Variants in CARD6 observed in about 807,000 individuals in gnomAD.
CARD6 encodes the protein caspase recruitment domain-containing protein 6.
CARD6 carries 27 observed loss-of-function variants against 23.6 expected under a neutral mutation model. That is an observed-to-expected ratio of 1.14 (90% CI 0.84 to 1.58). The LOEUF (loss-of-function observed/expected upper bound fraction) is 1.58, where lower values mean the gene tolerates loss of function less well. Among genes scored for constraint, CARD6 ranks in the 40% most tolerant of loss-of-function variants. The pLI is 0.00. For synonymous variants in CARD6, 397 were observed against 431.8 expected (o/e 0.92, Z 1.00); for missense variants, 1,214 against 1,209.9 (o/e 1.00, Z -0.05).
At position 40,843,414 on chromosome 5, in the gene CARD6, A is replaced by C; in HGVS notation, c.546A>C (p.Lys182Asn). ...TCACATTATCATATTCAGTTGAGAA[A>C]GTTGGATGTGAAGTTCCAGCAACTA... ...PEVTLSYSVE[K>N]VGCEVPATIT... The change falls in exon 2 of 3, where the codon AAA becomes AAC. Residue 182 changes from lysine to asparagine, a missense_variant. By Grantham distance (94) the Lys-to-Asn change is moderately conservative (BLOSUM62 0). Coordinates refer to ENST00000254691, the MANE Select transcript of CARD6 (RefSeq NM_032587.4). 1 of 1,614,168 alleles carries C rather than the reference A, an allele frequency of 6.2e-7. No homozygotes were observed. The highest frequency in any genetic ancestry group is 8.5e-7 in the Non-Finnish European group (1 of 1,180,030).
Position 40,847,605 on chromosome 5 carries a change from A to T in CARD6, c.841+3896A>T, listed in dbSNP as rs150944385. On this transcript the variant is annotated intron_variant, in intron 2 of 2. Coordinates refer to ENST00000254691, the MANE Select transcript of CARD6 (RefSeq NM_032587.4). The stretch of plus-strand genomic sequence containing the variant: ...CATTCCAGAAGGTTGCTTTTGCTGG[A>T]TATAGGATTCTACAACTTTTGCCTT... Among the ~76,000 whole-genome samples, 825 of 152,146 alleles carry T rather than the reference A, an allele frequency of 5.4e-3. 9 individuals are homozygous for T. The highest frequency in any genetic ancestry group is 0.019 in the African/African-American group (797 of 41,524).
intron 2 of CARD6, among the ~76,000 whole-genome samples, chr5:40,847,711 T>A (rs1044256220): frequency 1.3e-5 from 2 of 152,116 alleles, no homozygotes; most frequent in African/African-American, 4.8e-5. Context: ...TTATCATTGA[T>A]CCTCTGTAAG....
At position 40,853,381 on chromosome 5, in the gene CARD6, T is replaced by A. The variant is rs751989622; in HGVS notation, c.2049T>A (p.Gly683=). ...ENMAGTAEGE[G]QQRHSQLKSS... ...TGGCTGGGACAGCTGAAGGTGAGGG[T>A]CAGCAAAGACACAGTCAGCTAAAAA... Residue 683 remains glycine (G), a synonymous_variant, in exon 3 of 3, where the codon GGT becomes GGA. Transcript: ENST00000254691. The A allele has an allele frequency of 2.6e-5, 42 of 1,613,844 alleles. No homozygotes were observed. The highest frequency in any genetic ancestry group is 3.5e-5 in the Non-Finnish European group (41 of 1,180,006).
At chr5:40,851,261 G>T (rs1398679480) in intron 2 of CARD6, among the ~76,000 whole-genome samples, 1 of 151,944 alleles carries the variant, frequency 6.6e-6, no homozygotes, top group African/African-American at 2.4e-5. Context: ...AACCCAGGAG[G>T]TGGATGTTGC....
chr5:40,853,462 G>A lies in CARD6; in HGVS notation c.2130G>A (p.Glu710=), dbSNP rs144328290. The A allele has an allele frequency of 5.4e-4, 871 of 1,614,180 alleles. 1 individual carries two copies. In the African/African-American group the frequency reaches 0.011, roughly 20 times the overall value. Residue 710 remains glutamate, a synonymous_variant, in exon 3 of 3, where the codon GAG becomes GAA. Coordinates refer to ENST00000254691, the MANE Select transcript of CARD6 (RefSeq NM_032587.4). ...TTCAAGAGCCTGGGACTCAATGTGAGCTCAGCCAGAATCTTCAGAATCTCT... is the reference window on the plus strand; with the variant it reads ...TTCAAGAGCCTGGGACTCAATGTGAACTCAGCCAGAATCTTCAGAATCTCT... ...MPIQEPGTQC[E]LSQNLQNLYG...
chr5:40,852,095 A>T, intron 2 of CARD6, 79 bp from the exon 3 acceptor site: 6 of 857,218 alleles, frequency 7.0e-6, no homozygotes, highest in Non-Finnish European at 1.1e-5. Flanking sequence ...TGATGGAGTG[A>T]GACTGTCTCA....
In CARD6 at chr5:40,852,818, C is replaced by T. The variant is rs114981213; in HGVS notation, c.1486C>T (p.Leu496Phe). Residue 496 changes from leucine to phenylalanine, a missense_variant, in exon 3 of 3, where the codon CTT (leucine) becomes TTT (phenylalanine). By Grantham distance (22) the Leu-to-Phe change is conservative (BLOSUM62 0). Transcript: ENST00000254691. ...FLHQDLPLLV[L>F]PRQISDGLVE... is the part of the protein sequence containing the mutation. ...TCATCAAGATTTGCCTCTTTTGGTGCTTCCCCGGCAAATCTCTGATGGCCT... is the reference window on the plus strand; with the variant it reads ...TCATCAAGATTTGCCTCTTTTGGTGTTTCCCCGGCAAATCTCTGATGGCCT... The T allele has an allele frequency of 3.2e-4, 514 of 1,614,194 alleles. 3 individuals are homozygous for T. The African/African-American group carries it at 6.4e-3, about 20-fold the overall frequency.
In CARD6 at chr5:40,854,882, G is replaced by T. The variant is rs537649830; in HGVS notation, c.*436G>T. 3.6e-5 allele frequency: 6 copies of T among 165,516 alleles called. No homozygotes were observed. In the South Asian group the frequency reaches 9.7e-4, roughly 27 times the overall value. The allele number at this position is 165,516 out of a possible 1,614,324, so 10.3% of individuals were successfully genotyped here. A position where few individuals can be genotyped will look rare whatever the true frequency, so the allele number is the denominator to read the frequency against. ...TGGGATTACGTGTGTAAGCCACAGT[G>T]CCCAGCCCGAATTGGATATCTTTAA... is the stretch of plus-strand genomic sequence containing the variant. On this transcript the variant is annotated 3_prime_UTR_variant, in exon 3 of 3. Coordinates refer to ENST00000254691, the MANE Select transcript of CARD6 (RefSeq NM_032587.4).
At position 40,852,930 on chromosome 5, in the gene CARD6, G is replaced by A. The variant is rs139247661; in HGVS notation, c.1598G>A (p.Arg533His). The change falls in exon 3 of 3, where the codon CGT (arginine) becomes CAT (histidine). Residue 533 changes from arginine to histidine, a missense_variant. Coordinates refer to ENST00000254691, the MANE Select transcript of CARD6 (RefSeq NM_032587.4). ...FQKPVALANL[R>H]GNLESFWTQF... ...AAGCCTGTTGCTCTGGCTAATCTCC[G>A]TGGAAATCTAGAAAGCTTTTGGACT... 3.5e-5 allele frequency: 56 copies of A among 1,614,020 alleles called. No homozygotes were observed. The highest frequency in any genetic ancestry group is 1.6e-4 in the Middle Eastern group (1 of 6,084).
At chr5:40,845,362 C>A (rs909391074) in intron 2 of CARD6, among the ~76,000 whole-genome samples, 3 of 152,138 alleles carry the variant, frequency 2.0e-5, no homozygotes, top group African/African-American at 2.4e-5. Context: ...TTAGGGCCCA[C>A]CCTAATAACA....
rs370496795 is a variant in CARD6 at position 40,853,855 on chromosome 5, G to C, written c.2523G>C (p.Arg841Ser). 2.2e-5 allele frequency: 35 copies of C among 1,614,082 alleles called. No homozygotes were observed. Among genetic ancestry groups the C allele is most frequent in the Admixed American group, 6.7e-5 (4 of 59,996 alleles). The change falls in exon 3 of 3, where the codon AGG becomes AGC. Residue 841 changes from arginine (R) to serine (S), a missense_variant. Physicochemically the swap from Arg to Ser is moderately radical, Grantham distance 110 (BLOSUM62 -1). Coordinates refer to ENST00000254691, the MANE Select transcript of CARD6 (RefSeq NM_032587.4). The stretch of plus-strand genomic sequence containing the variant: ...CACAAATGATGGGAACTCTTGAAAG[G>C]TCTAGGGCAGTAGCCTCCAAGATAG... ...ERPQMMGTLE[R>S]SRAVASKIGH... is the part of the protein sequence containing the mutation.
rs1746100967 is a variant in CARD6 at position 40,852,935 on chromosome 5, A to G, written c.1603A>G (p.Asn535Asp). The G allele has an allele frequency of 6.2e-7, 1 of 1,614,190 alleles. No individual in the cohort carries two copies. The highest frequency in any genetic ancestry group is 1.1e-5 in the South Asian group (1 of 91,080). ...TGTTGCTCTGGCTAATCTCCGTGGA[A>G]ATCTAGAAAGCTTTTGGACTCAGTT... ...KPVALANLRG[N>D]LESFWTQFGF... is the part of the protein sequence containing the mutation. Residue 535 changes from asparagine to aspartate, a missense_variant, in exon 3 of 3, where the codon AAT (asparagine) becomes GAT (aspartate). Physicochemically the swap from Asn to Asp is conservative, Grantham distance 23. Transcript: ENST00000254691.
At position 40,854,208 on chromosome 5, in the gene CARD6, C is replaced by G. The variant is rs537138585; in HGVS notation, c.2876C>G (p.Pro959Arg). 1.2e-6 allele frequency: 2 copies of G among 1,614,028 alleles called. No homozygotes were observed. Among genetic ancestry groups the G allele is most frequent in the Non-Finnish European group, 8.5e-7 (1 of 1,180,038 alleles). ...PSTVKHSQPK[P>R]FHSVPSQPKS... ...ACAGTCAAACACTCCCAGCCTAAAC[C>G]CTTCCATTCTGTGCCCTCTCAACCT... is the stretch of plus-strand genomic sequence containing the variant. Residue 959 changes from proline (P) to arginine (R), a missense_variant, in exon 3 of 3, where the codon CCC becomes CGC. Coordinates refer to ENST00000254691, the MANE Select transcript of CARD6 (RefSeq NM_032587.4).
chr5:40,849,123 A>T (rs1226572143), intron 2 of CARD6, among the ~76,000 whole-genome samples: 3 of 151,994 alleles, frequency 2.0e-5, no homozygotes, highest in Admixed American at 6.6e-5. Flanking sequence ...CAGCCTCCTG[A>T]GTAGCTGGGA....
Position 40,854,074 on chromosome 5 carries a change from A to G in CARD6, c.2742A>G (p.Gln914=), listed in dbSNP as rs1746140678. The G allele has an allele frequency of 3.1e-6, 5 of 1,614,126 alleles. No homozygotes were observed. Among genetic ancestry groups the G allele is most frequent in the Non-Finnish European group, 4.2e-6 (5 of 1,180,048 alleles). ...AAAAACTAAGACCTGCTTCTCAGCA[A>G]GGAGTCCAGATGAAGACACAAGGTG... ...ATQKLRPASQ[Q]GVQMKTQGGA... is the part of the protein sequence containing the mutation. The change falls in exon 3 of 3, where the codon CAA becomes CAG. Residue 914 remains glutamine (Q), a synonymous_variant. Transcript: ENST00000254691.
Position 40,852,294 on chromosome 5 carries a change from G to T in CARD6, c.962G>T (p.Ser321Ile). Residue 321 changes from serine (S) to isoleucine (I), a missense_variant, in exon 3 of 3, where the codon AGT becomes ATT. Ser to Ile is a moderately radical substitution (Grantham distance 142). Coordinates refer to ENST00000254691, the MANE Select transcript of CARD6 (RefSeq NM_032587.4). ...LDRGCKWTPESPGDLAWNFLM... is the reference protein window; with the variant it reads ...LDRGCKWTPEIPGDLAWNFLM... The stretch of plus-strand genomic sequence containing the variant: ...CGAGGATGTAAGTGGACCCCTGAGA[G>T]TCCAGGAGACTTAGCCTGGAATTTC... 1 of 1,614,000 alleles carries T rather than the reference G, an allele frequency of 6.2e-7. No homozygotes were observed. The highest frequency in any genetic ancestry group is 1.7e-5 in the Admixed American group (1 of 60,016).
rs1745861668 is a variant in CARD6 at position 40,841,601 on chromosome 5, G to A, written c.219G>A (p.Gln73=). The change falls in exon 1 of 3, where the codon CAG becomes CAA. Residue 73 remains glutamine (Q), a synonymous_variant. Transcript: ENST00000254691. ...AGAAAAAGGGAGAGGCGACCTGTCA[G>A]CATTTTCTCAAGTGTTTATTTAGTA... The part of the protein sequence containing the change: ...LVQKKGEATC[Q]HFLKCLFSTF... The A allele has an allele frequency of 3.1e-6, 5 of 1,614,082 alleles. No homozygotes were observed. Among genetic ancestry groups the A allele is most frequent in the Non-Finnish European group, 4.2e-6 (5 of 1,180,008 alleles).
intron 2 of CARD6, among the ~76,000 whole-genome samples, chr5:40,850,369 G>A (rs1293401699): frequency 3.0e-5 from 4 of 132,256 alleles, no homozygotes; most frequent in East Asian, 2.4e-4. Context: ...AGCTGAGATC[G>A]TGCCACTGCA....
At chr5:40,842,992 C>A (rs1387929841) in intron 1 of CARD6, among the ~76,000 whole-genome samples, 160 bp from the exon 2 acceptor site, 1 of 152,116 alleles carries the variant, frequency 6.6e-6, no homozygotes, top group East Asian at 1.9e-4. Flanking sequence ...GAGCCCAGAT[C>A]GTGCCATTGC....
Sources: gnomAD v4.1 joint callset for allele counts (sites outside exome capture counted in the v4.1 genomes callset) on GRCh38, gnomAD v4.1.1 for gene constraint, MANE v1.5 for transcripts, NCBI Gene and HGNC (gene_info 2026-07-23, HGNC 2026-07-21) for gene names.